Variants in RAP1A observed in about 807,000 individuals in gnomAD.
RAP1A encodes the protein ras-related protein Rap-1A.
RAP1A carries 6 observed loss-of-function variants against 26.4 expected under a neutral mutation model. That is an observed-to-expected ratio of 0.23 (90% CI 0.12 to 0.45). RAP1A has a LOEUF of 0.45. Among genes scored for constraint, RAP1A ranks in the 20% least tolerant of loss-of-function variants. The pLI, the probability that RAP1A is intolerant of heterozygous loss-of-function variation, is 0.99. For missense variants in RAP1A, 121 were observed against 217.2 expected (o/e 0.56, Z 2.78); for synonymous variants, 73 against 79.4 (o/e 0.92, Z 0.43).
chr1:111,648,870 G>C, intron 1 of RAP1A: 1 of 777,816 alleles, frequency 1.3e-6, no homozygotes, highest in Non-Finnish European at 2.3e-6. Context: ...GGGGGCATCT[G>C]CCTCCATGGT....
intron 1 of RAP1A, among the ~76,000 whole-genome samples, chr1:111,607,329 G>GGGTT (rs1051471700): frequency 6.6e-5 from 10 of 152,172 alleles, no homozygotes; most frequent in African/African-American, 2.4e-4. Flanking sequence ...AGAGAGCACA[G>GGGTT]GGTTGGGGGT....
intron 1 of RAP1A, among the ~76,000 whole-genome samples, chr1:111,669,041 A>G (rs10676400): frequency 2.3e-3 from 12 of 5,148 alleles, no homozygotes; most frequent in Middle Eastern, 0.056. Flanking sequence ...AAAAAAAAAA[A>G]AAAAAAAGAA....
chr1:111,627,713 A>G (rs767971650), intron 1 of RAP1A: 10 of 152,016 alleles, frequency 6.6e-5, no homozygotes, highest in Non-Finnish European at 1.3e-4. Context: ...TTCTTTAAAA[A>G]TATTTTAGGT....
intron 1 of RAP1A, among the ~76,000 whole-genome samples, chr1:111,593,874 G>A (rs929690721): frequency 9.2e-5 from 14 of 151,838 alleles, no homozygotes; most frequent in African/African-American, 1.7e-4. Context: ...AATGACCTCC[G>A]GGAGAATCTT....
intron 1 of RAP1A, among the ~76,000 whole-genome samples, chr1:111,577,612 A>C (rs1658173119): frequency 6.6e-6 from 1 of 152,044 alleles, no homozygotes; most frequent in Non-Finnish European, 1.5e-5. Context: ...TATTGGGTTT[A>C]GATTAGGAGC....
At chr1:111,645,071 T>C (rs768221474) in intron 1 of RAP1A, among the ~76,000 whole-genome samples, 22 of 152,204 alleles carry the variant, frequency 1.4e-4, no homozygotes, top group Non-Finnish European at 1.0e-4. Flanking sequence ...TGGAGGAATT[T>C]GGTTAAGAGA....
At chr1:111,667,142 T>C (rs1168154766) in intron 1 of RAP1A, among the ~76,000 whole-genome samples, 6 of 152,146 alleles carry the variant, frequency 3.9e-5, no homozygotes, top group Non-Finnish European at 8.8e-5. Flanking sequence ...TTGCTTAGGC[T>C]AGAGTCATGT....
intron 4 of RAP1A, among the ~76,000 whole-genome samples, chr1:111,701,695 A>G (rs1662028449): frequency 1.3e-5 from 2 of 152,168 alleles, no homozygotes; most frequent in African/African-American, 4.8e-5. Flanking sequence ...CTTAAACTGG[A>G]TTTTCAGAAC....
At chr1:111,706,789 T>C (rs1662208672) in intron 6 of RAP1A, 1 of 936,918 alleles carries the variant, frequency 1.1e-6, no homozygotes, top group African/African-American at 1.8e-5. Context: ...TAGGCAATGT[T>C]TTCCAAAGAA....
chr1:111,613,488 C>T (rs1386024153), intron 1 of RAP1A, among the ~76,000 whole-genome samples: 6 of 152,202 alleles, frequency 3.9e-5, no homozygotes, highest in Admixed American at 3.9e-4. Flanking sequence ...CGTTAGCCAC[C>T]ACGCCCGGCC....
intron 1 of RAP1A, among the ~76,000 whole-genome samples, chr1:111,678,542 C>T (rs1661197724): frequency 6.6e-6 from 1 of 152,164 alleles, no homozygotes; most frequent in African/African-American, 2.4e-5. Flanking sequence ...ATACCACATA[C>T]CTAGGCTGTA....
At chr1:111,543,346 A>G (rs960153371) in intron 1 of RAP1A, among the ~76,000 whole-genome samples, 2 of 152,074 alleles carry the variant, frequency 1.3e-5, no homozygotes, top group Non-Finnish European at 2.9e-5. Flanking sequence ...GACAAATTTT[A>G]TTTCCAGGGA....
At chr1:111,597,534 CCT>C (rs756868970) in intron 1 of RAP1A, among the ~76,000 whole-genome samples, 103 of 152,310 alleles carry the variant, frequency 6.8e-4, no homozygotes, top group Admixed American at 1.5e-3. Context: ...GTGTGACACT[CCT>C]CTGTTTATAT....
intron 1 of RAP1A, among the ~76,000 whole-genome samples, chr1:111,595,668 A>G (rs1373087668): frequency 6.6e-6 from 1 of 152,230 alleles, no homozygotes; most frequent in South Asian, 2.1e-4. Flanking sequence ...AGGTGTGTTT[A>G]GAGCTGCAGT....
intron 7 of RAP1A, among the ~76,000 whole-genome samples, chr1:111,709,656 G>A (rs771520837): frequency 5.9e-5 from 9 of 152,236 alleles, no homozygotes; most frequent in East Asian, 1.9e-4. Context: ...TGACATACCC[G>A]TATATAACAA....
chr1:111,640,261 A>G (rs1659852374), intron 1 of RAP1A, among the ~76,000 whole-genome samples: 1 of 152,222 alleles, frequency 6.6e-6, no homozygotes, highest in South Asian at 2.1e-4. Flanking sequence ...TTAGGACAAT[A>G]TTTGATTTTA....
intron 1 of RAP1A, chr1:111,648,601 C>T: frequency 7.6e-6 from 4 of 527,732 alleles, no homozygotes; most frequent in South Asian, 5.2e-5. Flanking sequence ...TAGAGGGCCT[C>T]CACCTCCCTC....
chr1:111,702,508 T>C (rs1205025512), intron 4 of RAP1A, among the ~76,000 whole-genome samples: 2 of 152,152 alleles, frequency 1.3e-5, no homozygotes, highest in African/African-American at 4.8e-5. Flanking sequence ...CATTGCACTA[T>C]TCTCACATCT....
At chr1:111,563,744 T>A in intron 1 of RAP1A, 1 of 789,344 alleles carries the variant, frequency 1.3e-6, no homozygotes, top group South Asian at 1.5e-5. Flanking sequence ...ATTGATTAAG[T>A]AGCTTGCCCC....
Sources: allele counts gnomAD v4.1 joint callset (sites outside exome capture counted in the v4.1 genomes callset), GRCh38; gene constraint gnomAD v4.1.1; transcripts MANE v1.5; gene names NCBI Gene and HGNC (gene_info 2026-07-23, HGNC 2026-07-21).